The following LINS1 variants were observed in gnomAD, a reference collection of about 807,000 sequenced individuals.
LINS1 encodes protein Lines homolog 1.
In LINS1, 27 loss-of-function variants were observed where a neutral mutation model predicts 41.6. That is an observed-to-expected ratio of 0.65 (90% confidence interval 0.48 to 0.89). LINS1 has a LOEUF of 0.89. Among genes scored for constraint, LINS1 ranks in the 40% least tolerant of loss-of-function variants. The probability of loss-of-function intolerance (pLI) is 0.00; values close to 1 mark genes in which losing one functional copy is unlikely to be tolerated. For synonymous variants in LINS1, 336 were observed against 312.9 expected (o/e 1.07, Z -0.78); for missense variants, 955 against 884.1 (o/e 1.08, Z -1.02).
chr15:100,592,013 C>G lies in LINS1; in HGVS notation c.-104+10108G>C, dbSNP rs56285917. Among the ~76,000 whole-genome samples, 298 of 152,296 alleles carry G rather than the reference C, an allele frequency of 2.0e-3. 2 individuals are homozygous for G. Among genetic ancestry groups the G allele is most frequent in the African/African-American group, 6.5e-3 (272 of 41,564 alleles). On this transcript the variant is annotated intron_variant, in intron 1 of 6. Transcript: ENST00000314742. ...AGAACTAAATCAAATGGAAACACTTCATCTATGAAACATCCTCTCCATTTA... is the reference window on the plus strand; with the variant it reads ...AGAACTAAATCAAATGGAAACACTTGATCTATGAAACATCCTCTCCATTTA...
intron 3 of LINS1, among the ~76,000 whole-genome samples, chr15:100,575,737 C>T (rs1175634794): frequency 6.6e-6 from 1 of 152,204 alleles, no homozygotes; most frequent in African/African-American, 2.4e-5. Context: ...CTCAGCACCA[C>T]ACCACACCTA....
intron 1 of LINS1, among the ~76,000 whole-genome samples, chr15:100,586,549 T>C (rs1447874671): frequency 1.3e-5 from 2 of 152,224 alleles, no homozygotes; most frequent in Non-Finnish European, 2.9e-5. Flanking sequence ...TTTTTGGGGT[T>C]TCACACAAGT....
intron 6 of LINS1, among the ~76,000 whole-genome samples, chr15:100,570,817 T>C (rs1360650909): frequency 1.3e-5 from 2 of 152,174 alleles, no homozygotes; most frequent in Non-Finnish European, 2.9e-5. Context: ...GTTTCTATCA[T>C]TTACAACCAA....
In LINS1 at chr15:100,573,774, C is replaced by T; in HGVS notation, c.1099G>A (p.Val367Ile). The change falls in exon 5 of 7, where the codon GTT becomes ATT. Residue 367 changes from valine (V) to isoleucine (I), a missense_variant. Transcript: ENST00000314742. ...GTGATAAGTTCACATTCAGGTTGAA[C>T]TTCATCACCTCCAAAAAAGGAATGT... The part of the protein sequence containing the change: ...EKHSFFGGDE[V>I]QPECELITSP... 7 of 1,614,154 alleles carry T rather than the reference C, an allele frequency of 4.3e-6. No individual in the cohort carries two copies. The highest frequency in any genetic ancestry group is 5.9e-6 in the Non-Finnish European group (7 of 1,180,008).
Position 100,569,139 on chromosome 15 carries a change from A to T in LINS1, c.*99T>A. On this transcript the variant is annotated 3_prime_UTR_variant, in exon 7 of 7. Transcript: ENST00000314742. The stretch of plus-strand genomic sequence containing the variant: ...TTCTGTCTCAAAAAAAAAAAAAAAA[A>T]AGAAAACCCTTTTATGGTGATGATT... 1 of 816,104 alleles carries T rather than the reference A, an allele frequency of 1.2e-6. No homozygotes were observed. Among genetic ancestry groups the T allele is most frequent in the Non-Finnish European group, 1.9e-6 (1 of 520,060 alleles). 50.6% of individuals were successfully genotyped at this position (816,104 alleles called of 1,614,324 possible).
chr15:100,587,004 C>G (rs1228214177), intron 1 of LINS1, among the ~76,000 whole-genome samples: 1 of 151,670 alleles, frequency 6.6e-6, no homozygotes, highest in Non-Finnish European at 1.5e-5. Context: ...ACTAAAAATA[C>G]AAAAATTAGC....
intron 5 of LINS1, chr15:100,573,273 AGGGCTGCAGTGGGCCATGGTCACGCAC>A: frequency 1.6e-6 from 1 of 627,328 alleles, no homozygotes; most frequent in Non-Finnish European, 2.1e-6. Flanking sequence ...AAGGGGGGTC[AGGGCTGCAGTGGGCCATGGTCACGCAC>A]CTGCAGTTTA....
intron 6 of LINS1, among the ~76,000 whole-genome samples, chr15:100,571,639 T>C (rs1246480145): frequency 2.0e-5 from 3 of 152,222 alleles, no homozygotes; most frequent in African/African-American, 7.2e-5. Flanking sequence ...ACTGACTTAC[T>C]GGAGACCAAA....
At chr15:100,587,082 C>A (rs891414407) in intron 1 of LINS1, among the ~76,000 whole-genome samples, 1 of 145,952 alleles carries the variant, frequency 6.9e-6, no homozygotes, top group Non-Finnish European at 1.5e-5. Context: ...TCGCTTGAGC[C>A]CAGGAGGCAG....
At chr15:100,588,662 T>C (rs2038911236) in intron 1 of LINS1, among the ~76,000 whole-genome samples, 1 of 152,232 alleles carries the variant, frequency 6.6e-6, no homozygotes, top group African/African-American at 2.4e-5. Context: ...TTCTGGAGCA[T>C]TAGATTCTAG....
rs1231607252 is a variant in LINS1 at position 100,569,423 on chromosome 15, C to T, written c.2089G>A (p.Val697Ile). The change falls in exon 7 of 7, where the codon GTA becomes ATA. Residue 697 changes from valine (V) to isoleucine (I), a missense_variant. Coordinates refer to ENST00000314742, the MANE Select transcript of LINS1 (RefSeq NM_001040616.3). ...FDTAFSFDCE[V>I]APNDVVSEVG... ...TCAGAGACGACATCATTTGGGGCTA[C>T]TTCACAATCAAAGGAGAAGGCAGTA... The T allele has an allele frequency of 3.7e-6, 6 of 1,614,094 alleles. No individual in the cohort carries two copies. The South Asian group carries it at 5.5e-5, about 15-fold the overall frequency.
chr15:100,588,450 TAA>T (rs1028047435), intron 1 of LINS1, among the ~76,000 whole-genome samples: 1 of 152,228 alleles, frequency 6.6e-6, no homozygotes, highest in African/African-American at 2.4e-5. Context: ...GTCAGAAAAG[TAA>T]AAAGTGTAAT....
chr15:100,591,106 G>A (rs2141346148), intron 1 of LINS1, among the ~76,000 whole-genome samples: 1 of 152,244 alleles, frequency 6.6e-6, no homozygotes, highest in African/African-American at 2.4e-5. Flanking sequence ...GAACCCGGGA[G>A]GCAGAGGTTG....
chr15:100,583,141 C>G (rs1365316697), intron 1 of LINS1, among the ~76,000 whole-genome samples: 2 of 151,974 alleles, frequency 1.3e-5, no homozygotes, highest in East Asian at 3.9e-4. Context: ...ACATGGCCCA[C>G]TAGCCTAGTC....
chr15:100,589,426 C>G (rs985765759), intron 1 of LINS1, among the ~76,000 whole-genome samples: 2 of 152,180 alleles, frequency 1.3e-5, no homozygotes, highest in Non-Finnish European at 2.9e-5. Flanking sequence ...CGATCTAAGT[C>G]AATTTACCTA....
At chr15:100,580,167 T>C in intron 3 of LINS1, 96 bp downstream of exon 3, 1 of 940,546 alleles carries the variant, frequency 1.1e-6, no homozygotes, top group South Asian at 1.5e-5. Flanking sequence ...TGAGATCAGA[T>C]TGGGCAACAC....
Position 100,569,501 on chromosome 15 carries a change from T to C in LINS1, c.2011A>G (p.Lys671Glu). 1 of 1,614,226 alleles carries C rather than the reference T, an allele frequency of 6.2e-7. No individual in the cohort carries two copies. Among genetic ancestry groups the C allele is most frequent in the Non-Finnish European group, 8.5e-7 (1 of 1,180,038 alleles). ...QDAAGTSRDK[K>E]EFSLEPPSRP... ...GATGGAGGCTCAAGGCTAAATTCTT[T>C]TTTATCCCTGCTTGTCCCAGCTGCA... The change falls in exon 7 of 7, where the codon AAA (lysine) becomes GAA (glutamate). Residue 671 changes from lysine (K) to glutamate (E), a missense_variant. By Grantham distance (56) the Lys-to-Glu change is moderately conservative. Transcript: ENST00000314742.
At chr15:100,597,927 T>G (rs1042836366) in intron 1 of LINS1, among the ~76,000 whole-genome samples, 15 of 152,246 alleles carry the variant, frequency 9.9e-5, no homozygotes, top group Admixed American at 9.8e-4. Flanking sequence ...ATTAAATGGC[T>G]TATATGTGAA....
At chr15:100,581,190 C>T (rs2141311969) in intron 1 of LINS1, among the ~76,000 whole-genome samples, 1 of 152,264 alleles carries the variant, frequency 6.6e-6, no homozygotes, top group African/African-American at 2.4e-5. Flanking sequence ...TTGAGCTTTC[C>T]TCTAACAGTT....
Sources: gnomAD v4.1 joint callset for allele counts (sites outside exome capture counted in the v4.1 genomes callset) on GRCh38, gnomAD v4.1.1 for gene constraint, MANE v1.5 for transcripts, NCBI Gene and HGNC (gene_info 2026-07-23, HGNC 2026-07-21) for gene names.